The following ELF3 variants were observed in gnomAD, a reference collection of about 807,000 sequenced individuals.
The protein encoded by ELF3 is ETS-related transcription factor Elf-3.
Under a neutral mutation model 43.9 loss-of-function variants are expected in ELF3, and 18 were observed. The ratio of observed to expected loss-of-function variants is 0.41; its 90% CI spans 0.28 to 0.61. ELF3 has a LOEUF of 0.61. Among genes scored for constraint, ELF3 ranks in the 20% least tolerant of loss-of-function variants. The pLI is 0.30. For synonymous variants in ELF3, 181 were observed against 190.2 expected (o/e 0.95, Z 0.40); for missense variants, 373 against 487.7 (o/e 0.76, Z 2.21).
intron 2 of ELF3, 158 bp from the exon 3 acceptor site, chr1:202,011,799 C>A (rs1684202790): frequency 1.4e-6 from 1 of 689,764 alleles, no homozygotes; most frequent in Admixed American, 2.8e-5. Context: ...ATCGCTTGAA[C>A]CTGGGAGGTG....
rs1471010871 is a variant in ELF3, at chr1:202,013,203, A to C, written c.710A>C (p.Lys237Thr). Residue 237 changes from lysine (K) to threonine (T), a missense_variant, in exon 7 of 9, where the codon AAG (lysine) becomes ACG (threonine). Physicochemically the swap from Lys to Thr is moderately conservative, Grantham distance 78. This residue lies in a region of ELF3 where 311 missense variants were observed against 351.2 expected (regional missense o/e 0.89). Transcript: ENST00000367284. This position sits in a 1 kb window ranked among gnomAD's most constrained non-coding sequence, Gnocchi z 5.7. ...ACAGATGGTTTTCGTGACTGCAAGA[A>C]GGGGGATCCCAAGCACGGGAAGCGG... ...FPSDGFRDCKKGDPKHGKRKR... is the reference protein window; with the variant it reads ...FPSDGFRDCKTGDPKHGKRKR... The C allele has an allele frequency of 6.2e-7, 1 of 1,614,100 alleles. No individual in the cohort carries two copies. Among genetic ancestry groups the C allele is most frequent in the Admixed American group, 1.7e-5 (1 of 60,008 alleles).
At position 202,016,436 on chromosome 1, in the gene ELF3, A is replaced by G. The variant is rs1457456593; in HGVS notation, c.*1113A>G. On this transcript the variant is annotated 3_prime_UTR_variant, in exon 9 of 9. Coordinates refer to ENST00000367284, the MANE Select transcript of ELF3 (RefSeq NM_004433.5). ...TGTGGAATAGATGGTTTTGCATTCC[A>G]GCCAAGTGTGCTGTAAACTGTATAT... The G allele has an allele frequency of 6.6e-6, 1 of 151,948 alleles. No homozygotes were observed. The highest frequency in any genetic ancestry group is 1.9e-4 in the East Asian group (1 of 5,188). 9.4% of individuals were successfully genotyped at this position (151,948 alleles called of 1,614,324 possible). A position where few individuals can be genotyped will look rare whatever the true frequency, so the allele number is the denominator to read the frequency against.
rs1236669171 is a variant in ELF3 at position 202,013,976 on chromosome 1, A to G, written c.953A>G (p.Lys318Arg). The G allele has an allele frequency of 6.2e-7, 1 of 1,613,934 alleles. No individual in the cohort carries two copies. Among genetic ancestry groups the G allele is most frequent in the South Asian group, 1.1e-5 (1 of 91,056 alleles). Residue 318 changes from lysine to arginine, a missense_variant, in exon 8 of 9, where the codon AAG becomes AGG. Transcript: ENST00000367284. The surrounding 1 kb of genome is among the most constrained non-coding windows in gnomAD (Gnocchi z 5.7). ...SEAVAQLWGQ[K>R]KKNSNMTYEK... ...GCTGTGGCCCAACTATGGGGCCAAA[A>G]GAAAAAGAACAGCAACATGACCTAC...
chr1:202,012,526 C>A lies in ELF3; in HGVS notation c.478+90C>A. On this transcript the variant is annotated intron_variant, in intron 4 of 8. Coordinates refer to ENST00000367284, the MANE Select transcript of ELF3 (RefSeq NM_004433.5). The surrounding 1 kb of genome is among the most constrained non-coding windows in gnomAD (Gnocchi z 4.2). ...TGCTAGAGATGACCCCCTCCCCAGA[C>A]TTCTTCCTCCCTCAATTAGAAAAAT... is the stretch of plus-strand genomic sequence containing the variant. The A allele has an allele frequency of 6.4e-7, 1 of 1,561,598 alleles. No homozygotes were observed. The highest frequency in any genetic ancestry group is 8.7e-7 in the Non-Finnish European group (1 of 1,154,026).
At chr1:202,015,162 G>A (rs1487954374) in intron 8 of ELF3, 47 bp from the exon 9 acceptor site, 1 of 1,603,012 alleles carries the variant, frequency 6.2e-7, no homozygotes, top group Non-Finnish European at 8.5e-7. Flanking sequence ...GCAGCCTGGG[G>A]CCCATTTCCT....
At chr1:202,011,806 G>T in intron 2 of ELF3, 151 bp from the exon 3 acceptor site, 2 of 714,086 alleles carry the variant, frequency 2.8e-6, no homozygotes, top group South Asian at 3.7e-5. Flanking sequence ...GAACCTGGGA[G>T]GTGGAGGTTG....
chr1:202,012,295 C>T lies in ELF3; in HGVS notation c.386-49C>T. The stretch of plus-strand genomic sequence containing the variant: ...GCCAGCTGCACAGCCAGAGAGAGCC[C>T]TTGAGGGAGGGATTAGGGGAGTGTG... On this transcript the variant is annotated intron_variant, in intron 3 of 8. Transcript: ENST00000367284. This position sits in a 1 kb window ranked among gnomAD's most constrained non-coding sequence, Gnocchi z 4.2. 6.2e-7 allele frequency: 1 copy of T among 1,610,922 alleles called. No homozygotes were observed. The highest frequency in any genetic ancestry group is 8.5e-7 in the Non-Finnish European group (1 of 1,178,062).
chr1:202,012,287 AGAGAGCC>A lies in ELF3; in HGVS notation c.386-56_386-50del. ...AGCTCTGGGCCAGCTGCACAGCCAG[AGAGAGCC>A]CTTGAGGGAGGGATTAGGGGAGTGT... On this transcript the variant is annotated intron_variant, in intron 3 of 8. Transcript: ENST00000367284. This position sits in a 1 kb window ranked among gnomAD's most constrained non-coding sequence, Gnocchi z 4.2. 9 of 1,609,694 alleles carry A rather than the reference AGAGAGCC, an allele frequency of 5.6e-6. No homozygotes were observed. The highest frequency in any genetic ancestry group is 7.6e-6 in the Non-Finnish European group (9 of 1,177,224).
In ELF3 at chr1:202,013,681, G is replaced by GT; in HGVS notation, c.806-147dup. On this transcript the variant is annotated intron_variant, in intron 7 of 8. Coordinates refer to ENST00000367284, the MANE Select transcript of ELF3 (RefSeq NM_004433.5). The surrounding 1 kb of genome is among the most constrained non-coding windows in gnomAD (Gnocchi z 5.7). ...GCTGAGGAGAAAAGCAGTCACTGCA[G>GT]TACCCGCACAGAGGGCACTGCGGGG... 4.7e-6 allele frequency: 4 copies of GT among 854,556 alleles called. No homozygotes were observed. The South Asian group carries it at 7.2e-5, about 15-fold the overall frequency. 52.9% of individuals were successfully genotyped at this position (854,556 alleles called of 1,614,324 possible).
chr1:202,010,958 T>C lies in ELF3; in HGVS notation c.-8-171T>C. On this transcript the variant is annotated intron_variant, in intron 1 of 8. Coordinates refer to ENST00000367284, the MANE Select transcript of ELF3 (RefSeq NM_004433.5). This position sits in a 1 kb window ranked among gnomAD's most constrained non-coding sequence, Gnocchi z 4.3. ...GCTGGAGGCTCCTGTGGTCCTGCCCTGGTCTGAGATCTTGGAGCCCTTCTT... is the reference window on the plus strand; with the variant it reads ...GCTGGAGGCTCCTGTGGTCCTGCCCCGGTCTGAGATCTTGGAGCCCTTCTT... 1.3e-5 allele frequency: 9 copies of C among 667,490 alleles called. No individual in the cohort carries two copies. The highest frequency in any genetic ancestry group is 2.2e-5 in the Non-Finnish European group (9 of 406,638). 41.3% of individuals were successfully genotyped at this position (667,490 alleles called of 1,614,324 possible).
chr1:202,013,329 G>A lies in ELF3; in HGVS notation c.805+31G>A, dbSNP rs1684250289. 1.2e-6 allele frequency: 2 copies of A among 1,603,310 alleles called. No homozygotes were observed. Among genetic ancestry groups the A allele is most frequent in the African/African-American group, 1.3e-5 (1 of 74,686 alleles). On this transcript the variant is annotated intron_variant, in intron 7 of 8. Coordinates refer to ENST00000367284, the MANE Select transcript of ELF3 (RefSeq NM_004433.5). This position sits in a 1 kb window ranked among gnomAD's most constrained non-coding sequence, Gnocchi z 5.7. ...CTCCGGGGGCACGTGGGTCCTCCCT[G>A]CGCCGGGCTGAGCGGCTTCCTGGGG...
chr1:202,011,934 G>C (rs753975998), intron 2 of ELF3, 23 bp from the exon 3 acceptor site: 44 of 1,609,012 alleles, frequency 2.7e-5, no homozygotes, highest in Non-Finnish European at 3.6e-5. Context: ...AGCTGAGCCT[G>C]TTTCCCTGCC....
Position 202,015,280 on chromosome 1 carries a change from C to G in ELF3, c.1073C>G (p.Ser358Ter). 1 of 1,614,126 alleles carries G rather than the reference C, an allele frequency of 6.2e-7. No individual in the cohort carries two copies. Residue 358 changes from serine to a stop codon, truncating the protein, a stop_gained, in exon 9 of 9, where the codon TCA becomes TGA. Coordinates refer to ENST00000367284, the MANE Select transcript of ELF3 (RefSeq NM_004433.5). LOFTEE classifies it high-confidence loss of function. Reference sequence around the variant, plus strand: ...CTCGTCTACAAGTTTGGCAAAAACTCAAGCGGCTGGAAGGAGGAAGAGGTT... The same window carrying G: ...CTCGTCTACAAGTTTGGCAAAAACTGAAGCGGCTGGAAGGAGGAAGAGGTT... ...RRLVYKFGKN[S>*]SGWKEEEVLQ...
Position 202,012,696 on chromosome 1 carries a change from T to C in ELF3, c.535T>C (p.Tyr179His). 6.2e-7 allele frequency: 1 copy of C among 1,608,600 alleles called. No individual in the cohort carries two copies. The highest frequency in any genetic ancestry group is 8.5e-7 in the Non-Finnish European group (1 of 1,177,460). Residue 179 changes from tyrosine to histidine, a missense_variant, in exon 5 of 9, where the codon TAC becomes CAC. Transcript: ENST00000367284. This position sits in a 1 kb window ranked among gnomAD's most constrained non-coding sequence, Gnocchi z 4.2. ...GGACGACGGTCAGCAAGCCAGCCCC[T>C]ACCACCCCGGCAGCTGTGGCGCAGG... Reference protein sequence around the residue: ...LLDDGQQASPYHPGSCGAGAP... With the variant: ...LLDDGQQASPHHPGSCGAGAP...
In ELF3 at chr1:202,012,596, C is replaced by A; in HGVS notation, c.479-44C>A. The A allele has an allele frequency of 1.3e-6, 2 of 1,556,636 alleles. No homozygotes were observed. Among genetic ancestry groups the A allele is most frequent in the Non-Finnish European group, 1.7e-6 (2 of 1,151,488 alleles). ...CATGGGCAGCATCACCTGTCCTGGT[C>A]TGGTCCCCTGAGCCCTCTCTGAGTT... On this transcript the variant is annotated intron_variant, in intron 4 of 8. Coordinates refer to ENST00000367284, the MANE Select transcript of ELF3 (RefSeq NM_004433.5). This position sits in a 1 kb window ranked among gnomAD's most constrained non-coding sequence, Gnocchi z 4.2.
intron 8 of ELF3, 163 bp from the exon 9 acceptor site, chr1:202,015,046 T>C: frequency 3.2e-6 from 2 of 620,008 alleles, no homozygotes. Flanking sequence ...CTTGCCAGTG[T>C]GAAGAACAGA....
At position 202,010,694 on chromosome 1, in the gene ELF3, C is replaced by A; in HGVS notation, c.-21C>A. ...TGCCGGCCTGCCTGCCACAGCCGGA[C>A]TCCGCCACTCCGGTAGGATTCCCCG... On this transcript the variant is annotated 5_prime_UTR_variant, in exon 1 of 9. Transcript: ENST00000367284. This position sits in a 1 kb window ranked among gnomAD's most constrained non-coding sequence, Gnocchi z 4.3. 6.3e-6 allele frequency: 1 copy of A among 159,950 alleles called. No homozygotes were observed. The allele number at this position is 159,950 out of a possible 1,614,324, so 9.9% of individuals were successfully genotyped here. A position where few individuals can be genotyped will look rare whatever the true frequency, so the allele number is the denominator to read the frequency against.
Position 202,012,600 on chromosome 1 carries a change from T to G in ELF3, c.479-40T>G, listed in dbSNP as rs751194268. 18 of 1,555,618 alleles carry G rather than the reference T, an allele frequency of 1.2e-5. No individual in the cohort carries two copies. The African/African-American group carries it at 1.9e-4, about 17-fold the overall frequency. On this transcript the variant is annotated intron_variant, in intron 4 of 8. Transcript: ENST00000367284. The surrounding 1 kb of genome is among the most constrained non-coding windows in gnomAD (Gnocchi z 4.2). ...GGCAGCATCACCTGTCCTGGTCTGG[T>G]CCCCTGAGCCCTCTCTGAGTTCTCA...
Position 202,013,662 on chromosome 1 carries a change from G to A in ELF3, c.806-167G>A, listed in dbSNP as rs1292907213. 5.3e-6 allele frequency: 4 copies of A among 759,806 alleles called. No individual in the cohort carries two copies. Among genetic ancestry groups the A allele is most frequent in the Non-Finnish European group, 4.2e-6 (2 of 471,332 alleles). The allele number at this position is 759,806 out of a possible 1,614,324, so 47.1% of individuals were successfully genotyped here. ...GCTGGTGGGTCTTAGGTGGGCTGAG[G>A]AGAAAAGCAGTCACTGCAGTACCCG... On this transcript the variant is annotated intron_variant, in intron 7 of 8. Coordinates refer to ENST00000367284, the MANE Select transcript of ELF3 (RefSeq NM_004433.5). The surrounding 1 kb of genome is among the most constrained non-coding windows in gnomAD (Gnocchi z 5.7).
Sources: gnomAD v4.1 joint callset for allele counts on GRCh38, gnomAD v4.1.1 for gene constraint, gnomAD v4.1.1 regional missense constraint, Gnocchi (gnomAD v3.1) non-coding constraint, MANE v1.5 for transcripts, NCBI Gene and HGNC (gene_info 2026-07-23, HGNC 2026-07-21) for gene names.